COL4A2: variants seen among roughly 807,000 people sequenced by gnomAD.
COL4A2 encodes the protein collagen type IV alpha 2 chain, also known as collagen alpha-2(IV) chain.
In COL4A2, 99 loss-of-function variants were observed where a neutral mutation model predicts 200.2. The observed-to-expected ratio is 0.49, with a 90% CI of 0.42 to 0.58. The LOEUF is 0.58. Among genes scored for constraint, COL4A2 ranks in the 20% least tolerant of loss-of-function variants. The probability of loss-of-function intolerance (pLI) is 0.00; values close to 1 mark genes in which losing one functional copy is unlikely to be tolerated. For synonymous variants in COL4A2, 897 were observed against 900.6 expected, an observed-to-expected ratio of 1.00 and a Z score of 0.07; for missense variants, 1,950 against 2,314.1, an observed-to-expected ratio of 0.84 and a Z score of 3.23.
At position 110,513,072 on chromosome 13, in the gene COL4A2, C is replaced by T. The variant is rs1566577849; in HGVS notation, c.*881C>T. The T allele has an allele frequency of 2.6e-5, 4 of 152,188 alleles. No homozygotes were observed. Among genetic ancestry groups the T allele is most frequent in the African/African-American group, 4.8e-5 (2 of 41,446 alleles). The allele number at this position is 152,188 out of a possible 1,614,324, so 9.4% of individuals were successfully genotyped here. A position where few individuals can be genotyped will look rare whatever the true frequency, so the allele number is the denominator to read the frequency against. On this transcript the variant is annotated 3_prime_UTR_variant, in exon 48 of 48. Transcript: ENST00000360467. ...TTAATCTCGTGTCCATAGAGCAAAA[C>T]GTCTGCTCAGATGGATGCGAGGCAC...
At chr13:110,383,200 C>T (rs1878556129) in intron 4 of COL4A2, among the ~76,000 whole-genome samples, 1 of 152,132 alleles carries the variant, frequency 6.6e-6, no homozygotes. Context: ...CTTTTTGAGC[C>T]ATGGAAGATG....
At chr13:110,366,144 CAA>C (rs1308222585) in intron 4 of COL4A2, among the ~76,000 whole-genome samples, 1 of 152,218 alleles carries the variant, frequency 6.6e-6, no homozygotes, top group Non-Finnish European at 1.5e-5. Context: ...TGGCAATCTT[CAA>C]AGACCATTGT....
At chr13:110,434,668 C>T (rs1359767109) in intron 12 of COL4A2, among the ~76,000 whole-genome samples, 1 of 152,194 alleles carries the variant, frequency 6.6e-6, no homozygotes, top group Admixed American at 6.5e-5. Context: ...TCTAGGCTAG[C>T]CGAGACTCTG....
Position 110,429,868 on chromosome 13 carries a change from A to G in COL4A2, c.478-17A>G, listed in dbSNP as rs752871655. 1 of 1,612,672 alleles carries G rather than the reference A, an allele frequency of 6.2e-7. No homozygotes were observed. The highest frequency in any genetic ancestry group is 1.7e-5 in the Admixed American group (1 of 59,888). ...CTTTTTGTTGTTTTTTCTTTTTACAATATATCTGCTAATTAGGGGCCCCAA... is the reference window on the plus strand; with the variant it reads ...CTTTTTGTTGTTTTTTCTTTTTACAGTATATCTGCTAATTAGGGGCCCCAA... On this transcript the variant is annotated splice_polypyrimidine_tract_variant and intron_variant, in intron 7 of 47. Coordinates refer to ENST00000360467, the MANE Select transcript of COL4A2 (RefSeq NM_001846.4).
intron 3 of COL4A2, among the ~76,000 whole-genome samples, chr13:110,334,717 T>C (rs983134332): frequency 1.3e-5 from 2 of 152,254 alleles, no homozygotes; most frequent in Non-Finnish European, 2.9e-5. Context: ...ACAAATGTTA[T>C]GCAGCCAGTA....
rs530228240 is a variant in COL4A2 at position 110,364,118 on chromosome 13, C to A, written c.180+6566C>A. ...CAGACAGATACTTTTAAACGGTGTG[C>A]CCAGCATACTTAGAAAAAGAAATCT... On this transcript the variant is annotated intron_variant, in intron 4 of 47. Coordinates refer to ENST00000360467, the MANE Select transcript of COL4A2 (RefSeq NM_001846.4). Among the ~76,000 whole-genome samples, 3 of 152,306 alleles carry A rather than the reference C, an allele frequency of 2.0e-5. No individual in the cohort carries two copies. The East Asian group carries it at 5.8e-4, about 29-fold the overall frequency.
rs370353262 is a variant in COL4A2 at position 110,489,452 on chromosome 13, A to G, written c.3215A>G (p.Lys1072Arg). Residue 1072 changes from lysine to arginine, a missense_variant, in exon 35 of 48, where the codon AAA (lysine) becomes AGA (arginine). Coordinates refer to ENST00000360467, the MANE Select transcript of COL4A2 (RefSeq NM_001846.4). ...GTTCATGTCTGTCTTTAGGGTGACAAAGGTGCCCCAGGGAGAGCAGGCCTG... is the reference window on the plus strand; with the variant it reads ...GTTCATGTCTGTCTTTAGGGTGACAGAGGTGCCCCAGGGAGAGCAGGCCTG... ...FPGFIGSRGD[K>R]GAPGRAGLYG... The G allele has an allele frequency of 2.5e-6, 4 of 1,613,994 alleles. No individual in the cohort carries two copies. Among genetic ancestry groups the G allele is most frequent in the Admixed American group, 3.3e-5 (2 of 59,990 alleles).
intron 36 of COL4A2, among the ~76,000 whole-genome samples, chr13:110,490,116 G>A (rs567099911): frequency 2.6e-5 from 4 of 152,320 alleles, no homozygotes; most frequent in Non-Finnish European, 4.4e-5. Context: ...ACCTGAGGGC[G>A]TGCAGCAGGT....
chr13:110,354,661 A>C (rs1877113242), intron 3 of COL4A2, among the ~76,000 whole-genome samples: 1 of 150,974 alleles, frequency 6.6e-6, no homozygotes, highest in African/African-American at 2.5e-5. Context: ...GATGCATCAG[A>C]TACTATATTA....
intron 3 of COL4A2, among the ~76,000 whole-genome samples, chr13:110,346,553 C>T (rs997056050): frequency 2.6e-5 from 4 of 152,158 alleles, no homozygotes; most frequent in African/African-American, 9.6e-5. Context: ...CGACGGGGCA[C>T]CCTCCAGTGC....
At chr13:110,318,252 T>C (rs887389514) in intron 3 of COL4A2, among the ~76,000 whole-genome samples, 2 of 152,214 alleles carry the variant, frequency 1.3e-5, no homozygotes, top group Non-Finnish European at 2.9e-5. Context: ...CACCATGGAC[T>C]CGTGTCTGGG....
At chr13:110,325,184 A>G (rs916969619) in intron 3 of COL4A2, among the ~76,000 whole-genome samples, 10 of 152,226 alleles carry the variant, frequency 6.6e-5, no homozygotes, top group African/African-American at 2.2e-4. Flanking sequence ...CATAATAATA[A>G]TCGGAAATCA....
chr13:110,509,245 T>TTTTATATA (rs1555334027), intron 47 of COL4A2, among the ~76,000 whole-genome samples: 2 of 72,000 alleles, frequency 2.8e-5, no homozygotes, highest in Non-Finnish European at 5.9e-5. Flanking sequence ...ATTTCATAAA[T>TTTTATATA]TATATATATA....
chr13:110,397,205 C>T (rs1879209747), intron 4 of COL4A2, among the ~76,000 whole-genome samples: 1 of 152,222 alleles, frequency 6.6e-6, no homozygotes. Context: ...ATAAGTTATA[C>T]AGTCTGTTTA....
At chr13:110,431,671 A>G (rs954137716) in intron 10 of COL4A2, among the ~76,000 whole-genome samples, 44 of 152,112 alleles carry the variant, frequency 2.9e-4, no homozygotes, top group African/African-American at 1.0e-3. Flanking sequence ...GGCACAACAG[A>G]TTGTACTTGC....
At position 110,504,136 on chromosome 13, in the gene COL4A2, G is replaced by A. The variant is rs553663121; in HGVS notation, c.4286-12G>A. 1.4e-4 allele frequency: 219 copies of A among 1,612,482 alleles called. No individual in the cohort carries two copies. The highest frequency in any genetic ancestry group is 1.8e-4 in the Non-Finnish European group (208 of 1,178,518). ...CAGTTTCCAGCCATAACGCTTCTTT[G>A]GTGGCTTGCAGGTTTCCGTGGGGCT... On this transcript the variant is annotated splice_polypyrimidine_tract_variant and intron_variant, in intron 44 of 47. Transcript: ENST00000360467.
intron 4 of COL4A2, among the ~76,000 whole-genome samples, chr13:110,385,178 C>T (rs940334128): frequency 2.0e-5 from 3 of 151,788 alleles, no homozygotes; most frequent in Non-Finnish European, 2.9e-5. Context: ...AGAAGAATGG[C>T]GTGAATCCGG....
intron 24 of COL4A2, chr13:110,463,017 C>T (rs1323327501): frequency 6.5e-6 from 1 of 154,848 alleles, no homozygotes; most frequent in African/African-American, 2.4e-5. Context: ...GTCACCAAGC[C>T]TGTACCTCCT....
Position 110,508,007 on chromosome 13 carries a change from A to G in COL4A2, c.4667A>G (p.Tyr1556Cys), listed in dbSNP as rs1367879331. The G allele has an allele frequency of 1.2e-6, 2 of 1,614,058 alleles. No individual in the cohort carries two copies. The highest frequency in any genetic ancestry group is 1.3e-5 in the African/African-American group (1 of 74,918). Residue 1556 changes from tyrosine to cysteine, a missense_variant, in exon 47 of 48, where the codon TAC becomes TGC. Physicochemically the swap from Tyr to Cys is radical, Grantham distance 194. Transcript: ENST00000360467. The surrounding 1 kb of genome is among the most constrained non-coding windows in gnomAD (Gnocchi z 6.1). ...FLYCNPGDVC[Y>C]YASRNDKSYW... Reference sequence around the variant, plus strand: ...TACTGCAACCCTGGTGATGTCTGCTACTATGCCAGCCGGAACGACAAGTCC... The same window carrying G: ...TACTGCAACCCTGGTGATGTCTGCTGCTATGCCAGCCGGAACGACAAGTCC...
Sources: allele counts gnomAD v4.1 joint callset (sites outside exome capture counted in the v4.1 genomes callset), GRCh38; gene constraint gnomAD v4.1.1; non-coding constraint Gnocchi (gnomAD v3.1); transcripts MANE v1.5; gene names NCBI Gene and HGNC (gene_info 2026-07-23, HGNC 2026-07-21).